The following MACROH2A1 variants were observed in gnomAD, a reference collection of about 807,000 sequenced individuals.
MACROH2A1 encodes core histone macro-H2A.1.
Under a neutral mutation model 31.6 loss-of-function variants are expected in MACROH2A1, and 2 were observed. That is an observed-to-expected ratio of 0.06 (90% CI 0.03 to 0.20). The LOEUF (loss-of-function observed/expected upper bound fraction) is 0.20, where lower values mean the gene tolerates loss of function less well. Ranked by LOEUF, MACROH2A1 falls within the 10% of genes least tolerant of loss-of-function variation. The pLI, the probability that MACROH2A1 is intolerant of heterozygous loss-of-function variation, is 1.00. For synonymous variants in MACROH2A1, 169 were observed against 189.6 expected, an observed-to-expected ratio of 0.89 and a Z score of 0.89; for missense variants, 230 against 474.0, an observed-to-expected ratio of 0.49 and a Z score of 4.78.
intron 6 of MACROH2A1, chr5:135,346,281 C>T: frequency 1.8e-6 from 1 of 553,088 alleles, no homozygotes; most frequent in South Asian, 2.0e-5. Flanking sequence ...GTCTCTGCTG[C>T]CCCTTATTTG....
Position 135,398,021 on chromosome 5 carries a change from T to C in MACROH2A1, c.-34+1041A>G, listed in dbSNP as rs1343302215. Reference sequence around the variant, plus strand: ...TTCTTATGTGCTGTTTACTGGGTCATTAAAATCTTACAAGGCCTTTATAGT... The same window carrying C: ...TTCTTATGTGCTGTTTACTGGGTCACTAAAATCTTACAAGGCCTTTATAGT... On this transcript the variant is annotated intron_variant, in intron 1 of 8. Coordinates refer to ENST00000511689, the MANE Select transcript of MACROH2A1 (RefSeq NM_138610.3). The surrounding 1 kb of genome is among the most constrained non-coding windows in gnomAD (Gnocchi z 4.6). 1.3e-5 allele frequency among the ~76,000 whole-genome samples: 2 copies of C among 152,208 alleles called. No homozygotes were observed. Among genetic ancestry groups the C allele is most frequent in the African/African-American group, 4.8e-5 (2 of 41,460 alleles).
intron 5 of MACROH2A1, chr5:135,359,529 C>T (rs1762576921): frequency 2.0e-6 from 2 of 984,786 alleles, no homozygotes; most frequent in Admixed American, 6.1e-5. Flanking sequence ...ACAGAGTCCA[C>T]CACAGGAATT....
At chr5:135,390,641 T>C (rs1483491844) in intron 1 of MACROH2A1, among the ~76,000 whole-genome samples, 1 of 152,280 alleles carries the variant, frequency 6.6e-6, no homozygotes, top group South Asian at 2.1e-4. Context: ...CATGTACTGA[T>C]AAACTGACGT....
At position 135,398,940 on chromosome 5, in the gene MACROH2A1, G is replaced by A. The variant is rs1433852956; in HGVS notation, c.-34+122C>T. The A allele has an allele frequency of 1.3e-5, 2 of 150,140 alleles. No individual in the cohort carries two copies. Among genetic ancestry groups the A allele is most frequent in the Admixed American group, 1.3e-4 (2 of 15,116 alleles). 9.3% of individuals were successfully genotyped at this position (150,140 alleles called of 1,614,324 possible). A position where few individuals can be genotyped will look rare whatever the true frequency, so the allele number is the denominator to read the frequency against. ...CCCGGCGTGGGCCACACCGAACCCG[G>A]CGGCCCGAGCCCGGCCCGCACCACA... On this transcript the variant is annotated intron_variant, in intron 1 of 8. Coordinates refer to ENST00000511689, the MANE Select transcript of MACROH2A1 (RefSeq NM_138610.3). This position sits in a 1 kb window ranked among gnomAD's most constrained non-coding sequence, Gnocchi z 4.6.
intron 4 of MACROH2A1, among the ~76,000 whole-genome samples, chr5:135,368,129 G>T (rs1258793018): frequency 6.6e-6 from 1 of 152,212 alleles, no homozygotes; most frequent in Non-Finnish European, 1.5e-5. Flanking sequence ...GTTGGCAAGA[G>T]GAATTTAGAT....
chr5:135,389,414 C>T (rs1019785944), intron 1 of MACROH2A1: 6 of 221,114 alleles, frequency 2.7e-5, no homozygotes, highest in Non-Finnish European at 5.3e-5. Flanking sequence ...ACATTCTATA[C>T]ACTTGTTTAA....
chr5:135,369,314 G>T lies in MACROH2A1; in HGVS notation c.477+92C>A. 8 of 999,488 alleles carry T rather than the reference G, an allele frequency of 8.0e-6. No homozygotes were observed. The highest frequency in any genetic ancestry group is 1.3e-5 in the Non-Finnish European group (8 of 630,480). 61.9% of individuals were successfully genotyped at this position (999,488 alleles called of 1,614,324 possible). ...CTTTATTCTCCCATCAGTGGGATGA[G>T]CCCACAGGGGGAATGAGGGGGGTGC... On this transcript the variant is annotated intron_variant, in intron 4 of 8. Coordinates refer to ENST00000511689, the MANE Select transcript of MACROH2A1 (RefSeq NM_138610.3). This position sits in a 1 kb window ranked among gnomAD's most constrained non-coding sequence, Gnocchi z 4.3.
intron 6 of MACROH2A1, chr5:135,350,573 A>G: frequency 2.3e-6 from 1 of 443,142 alleles, no homozygotes; most frequent in Non-Finnish European, 4.1e-6. Context: ...CAGGTGAAGA[A>G]ACGATTCTGC....
upstream of MACROH2A1, chr5:135,399,310 C>T (rs568944825): frequency 2.0e-5 from 3 of 152,074 alleles, no homozygotes; most frequent in South Asian, 6.1e-4. The surrounding 1 kb of genome is among the most constrained non-coding windows in gnomAD (Gnocchi z 4.5). Context: ...AGCGTCCGGC[C>T]TCCGCGCCCG....
chr5:135,386,160 C>T (rs972725239), intron 2 of MACROH2A1, among the ~76,000 whole-genome samples: 2 of 152,340 alleles, frequency 1.3e-5, no homozygotes, highest in Middle Eastern at 3.4e-3. Flanking sequence ...GGCTGGTCAC[C>T]TTCTGAGGAC....
At chr5:135,396,070 C>T (rs1456460647) in intron 1 of MACROH2A1, among the ~76,000 whole-genome samples, 3 of 152,192 alleles carry the variant, frequency 2.0e-5, no homozygotes, top group African/African-American at 4.8e-5. Flanking sequence ...CAAACCCATT[C>T]GGTGATGCGC....
At chr5:135,347,422 C>T (rs890410660) in intron 6 of MACROH2A1, 7 of 152,180 alleles carry the variant, frequency 4.6e-5, no homozygotes, top group Non-Finnish European at 8.8e-5. Flanking sequence ...CAGCTGTGTC[C>T]GAGAGAGGGT....
intron 2 of MACROH2A1, among the ~76,000 whole-genome samples, chr5:135,373,588 TGTAA>T (rs1472525599): frequency 1.3e-5 from 2 of 152,180 alleles, no homozygotes; most frequent in South Asian, 2.1e-4. Context: ...TGGACCAACC[TGTAA>T]GTGACAGTGA....
At chr5:135,337,372 G>GC (rs750665701) in intron 8 of MACROH2A1, among the ~76,000 whole-genome samples, 1 of 135,694 alleles carries the variant, frequency 7.4e-6, no homozygotes, top group Non-Finnish European at 1.5e-5. Context: ...CCATGCCCAT[G>GC]CCATGCCATG....
At chr5:135,357,292 A>G (rs1460518851) in intron 5 of MACROH2A1, 1 of 152,168 alleles carries the variant, frequency 6.6e-6, no homozygotes, top group Non-Finnish European at 1.5e-5. Flanking sequence ...CAGTTTCCTA[A>G]ACTGTCTCAG....
chr5:135,374,387 G>A (rs943810289), intron 2 of MACROH2A1, among the ~76,000 whole-genome samples: 6 of 152,188 alleles, frequency 3.9e-5, no homozygotes, highest in African/African-American at 1.4e-4. Flanking sequence ...GAGATGTCCT[G>A]ATGTAGTTTT....
intron 5 of MACROH2A1, chr5:135,353,371 A>G: frequency 3.2e-6 from 1 of 311,386 alleles, no homozygotes; most frequent in Non-Finnish European, 6.1e-6. Flanking sequence ...AGCTATCAGG[A>G]CCTAGAATGA....
chr5:135,391,261 T>G (rs1238663996), intron 1 of MACROH2A1, among the ~76,000 whole-genome samples: 1 of 152,236 alleles, frequency 6.6e-6, no homozygotes, highest in African/African-American at 2.4e-5. Context: ...GCCTTTGGAC[T>G]GAGCTTTTAA....
chr5:135,362,200 C>G (rs2149809469), intron 4 of MACROH2A1: 1 of 152,308 alleles, frequency 6.6e-6, no homozygotes, highest in East Asian at 1.9e-4. Context: ...ATTGAGTTAA[C>G]AGCTGATAGA....
Sources: allele counts gnomAD v4.1 joint callset (sites outside exome capture counted in the v4.1 genomes callset), GRCh38; gene constraint gnomAD v4.1.1; non-coding constraint Gnocchi (gnomAD v3.1); transcripts MANE v1.5; gene names NCBI Gene and HGNC (gene_info 2026-07-23, HGNC 2026-07-21).